CEP350: variants seen among roughly 807,000 people sequenced by gnomAD.
The protein encoded by CEP350 is centrosomal protein 350.
In CEP350, 126 loss-of-function variants were observed where a neutral mutation model predicts 331.8. The ratio of observed to expected loss-of-function variants is 0.38; its 90% CI spans 0.33 to 0.44. The LOEUF is 0.44. CEP350 is among the 20% of genes least tolerant of loss of function. CEP350 has a pLI of 1.00. For synonymous variants in CEP350, 1,200 were observed against 1,259.5 expected (o/e 0.95, Z 1.00); for missense variants, 3,406 against 3,634.6 (o/e 0.94, Z 1.62).
intron 37 of CEP350, among the ~76,000 whole-genome samples, chr1:180,100,542 G>A (rs1440869223): frequency 6.6e-6 from 1 of 152,208 alleles, no homozygotes; most frequent in Non-Finnish European, 1.5e-5. Context: ...ATTAAGGACT[G>A]ATGTTAACAA....
intron 1 of CEP350, among the ~76,000 whole-genome samples, chr1:179,968,284 T>C (rs1207447120): frequency 6.6e-6 from 1 of 150,802 alleles, no homozygotes; most frequent in African/African-American, 2.4e-5. Context: ...TGAGCCGAGA[T>C]TGCGCCACTG....
At chr1:180,049,784 C>T (rs1409154350) in intron 22 of CEP350, among the ~76,000 whole-genome samples, 3 of 152,104 alleles carry the variant, frequency 2.0e-5, no homozygotes, top group South Asian at 2.1e-4. Context: ...CCTCGTGATC[C>T]GCCTGCCTTG....
chr1:180,026,217 G>C (rs2148857822), intron 14 of CEP350, among the ~76,000 whole-genome samples: 1 of 151,684 alleles, frequency 6.6e-6, no homozygotes, highest in South Asian at 2.1e-4. Context: ...GTTGCAGTGA[G>C]CCGAGACTGC....
intron 5 of CEP350, 39 bp from the exon 6 acceptor site, chr1:179,996,514 A>G (rs1442344574): frequency 2.1e-6 from 3 of 1,404,462 alleles, no homozygotes; most frequent in Admixed American, 4.9e-5. Flanking sequence ...ACAATATATT[A>G]TTAATCATAG....
At chr1:180,041,582 A>G in intron 18 of CEP350, 80 bp from the exon 19 acceptor site, 1 of 1,333,270 alleles carries the variant, frequency 7.5e-7, no homozygotes, top group Non-Finnish European at 1.0e-6. Context: ...AAGACATGAA[A>G]TAAATTTATA....
Position 180,050,761 on chromosome 1 carries a change from A to G in CEP350, c.4792+2056A>G, listed in dbSNP as rs76052599. 2.0e-3 allele frequency among the ~76,000 whole-genome samples: 300 copies of G among 152,226 alleles called. 1 individual carries two copies. The highest frequency in any genetic ancestry group is 3.6e-3 in the Non-Finnish European group (242 of 68,018). On this transcript the variant is annotated intron_variant, in intron 22 of 37. Coordinates refer to ENST00000367607, the MANE Select transcript of CEP350 (RefSeq NM_014810.5). ...TACGGAAGATCTGAACAGATACTTCATTGAAGAAAATATGCAGATGGCACA... is the reference window on the plus strand; with the variant it reads ...TACGGAAGATCTGAACAGATACTTCGTTGAAGAAAATATGCAGATGGCACA...
chr1:180,007,608 A>G (rs1654345225), intron 8 of CEP350, among the ~76,000 whole-genome samples: 1 of 152,124 alleles, frequency 6.6e-6, no homozygotes, highest in Non-Finnish European at 1.5e-5. Flanking sequence ...CTTCAGTTTA[A>G]TTAGATCCTA....
In CEP350 at chr1:180,045,991, T is replaced by A. The variant is rs186671987; in HGVS notation, c.4622+1818T>A. Among the ~76,000 whole-genome samples, 66 of 152,330 alleles carry A rather than the reference T, an allele frequency of 4.3e-4. 1 individual carries two copies. Among genetic ancestry groups the A allele is most frequent in the South Asian group, 8.3e-4 (4 of 4,832 alleles). ...GCCATTGCATATGATATACCTTCTT[T>A]CTAGACCATCCCACATCTCATTTCA... On this transcript the variant is annotated intron_variant, in intron 21 of 37. Transcript: ENST00000367607.
chr1:179,984,970 T>C (rs1652547967), intron 1 of CEP350, among the ~76,000 whole-genome samples: 1 of 152,182 alleles, frequency 6.6e-6, no homozygotes, highest in Non-Finnish European at 1.5e-5. Context: ...GTGATATGAT[T>C]TTTTTCCTTT....
At chr1:180,028,970 T>C (rs956024531) in intron 14 of CEP350, among the ~76,000 whole-genome samples, 17 of 152,200 alleles carry the variant, frequency 1.1e-4, no homozygotes, top group African/African-American at 3.6e-4. Context: ...AACCCTGATA[T>C]ATTTCACTTT....
intron 1 of CEP350, among the ~76,000 whole-genome samples, chr1:179,962,318 A>G (rs1447956276): frequency 2.0e-5 from 3 of 152,194 alleles, no homozygotes; most frequent in Non-Finnish European, 4.4e-5. Flanking sequence ...TCCAAAGGAC[A>G]TGATTTCATT....
intron 37 of CEP350, among the ~76,000 whole-genome samples, chr1:180,109,123 C>CTTT (rs34359732): frequency 1.8e-4 from 25 of 140,332 alleles, no homozygotes; most frequent in African/African-American, 3.1e-4. Flanking sequence ...TTCACTTTCT[C>CTTT]TTTTTTTTTT....
chr1:179,992,720 A>G (rs1413706775), intron 5 of CEP350, among the ~76,000 whole-genome samples: 3 of 152,080 alleles, frequency 2.0e-5, no homozygotes, highest in African/African-American at 7.2e-5. Context: ...GATGTTCAAG[A>G]TTGATGTATG....
At chr1:180,002,136 A>G (rs1457252197) in intron 6 of CEP350, among the ~76,000 whole-genome samples, 2 of 152,340 alleles carry the variant, frequency 1.3e-5, no homozygotes, top group East Asian at 1.9e-4. Flanking sequence ...TAGGACCCCA[A>G]TACATTGCTG....
At chr1:179,970,010 A>G (rs1651317708) in intron 1 of CEP350, among the ~76,000 whole-genome samples, 1 of 152,238 alleles carries the variant, frequency 6.6e-6, no homozygotes, top group Non-Finnish European at 1.5e-5. Context: ...TACTCAGGAT[A>G]ACTAGATAGT....
intron 1 of CEP350, among the ~76,000 whole-genome samples, chr1:179,979,189 G>A (rs1179885750): frequency 6.6e-6 from 1 of 152,048 alleles, no homozygotes; most frequent in Admixed American, 6.6e-5. Context: ...CCCACCAATA[G>A]TATGTAAGAG....
chr1:179,972,652 A>G (rs61014689), intron 1 of CEP350, among the ~76,000 whole-genome samples: 21,379 of 149,638 alleles, frequency 0.14, 1,595 homozygotes, highest in African/African-American at 0.17. Context: ...TTACAGGCAC[A>G]CGCCACCACA....
intron 22 of CEP350, among the ~76,000 whole-genome samples, 184 bp from the exon 23 acceptor site, chr1:180,052,786 T>A (rs1414255012): frequency 3.9e-5 from 6 of 152,150 alleles, no homozygotes; most frequent in Non-Finnish European, 8.8e-5. Context: ...TTTCTAGGTA[T>A]TTTTAGAGGC....
At chr1:180,048,413 A>T in intron 21 of CEP350, 123 bp from the exon 22 acceptor site, 1 of 637,936 alleles carries the variant, frequency 1.6e-6, no homozygotes, top group Middle Eastern at 4.2e-4. Flanking sequence ...GTTTTATATT[A>T]CATCTTTCTT....
Sources: allele counts gnomAD v4.1 joint callset (sites outside exome capture counted in the v4.1 genomes callset), GRCh38; gene constraint gnomAD v4.1.1; transcripts MANE v1.5; gene names NCBI Gene and HGNC (gene_info 2026-07-23, HGNC 2026-07-21).